DUS4L: variants seen among roughly 807,000 people sequenced by gnomAD.
The protein encoded by DUS4L is tRNA-dihydrouridine(20a/20b) synthase [NAD(P)+]-like.
In DUS4L, 31 loss-of-function variants were observed where a neutral mutation model predicts 33.8. The ratio of observed to expected loss-of-function variants is 0.92; its 90% CI spans 0.69 to 1.24. DUS4L has a LOEUF of 1.24. DUS4L is among the 50% of genes most tolerant of loss of function. DUS4L has a pLI of 0.00. For missense variants in DUS4L, 368 were observed against 388.6 expected (o/e 0.95, Z 0.45); for synonymous variants, 103 against 120.3 (o/e 0.86, Z 0.94).
Position 107,564,033 on chromosome 7 carries a change from G to A in DUS4L, c.-287G>A, listed in dbSNP as rs1442870135. 2 of 1,533,374 alleles carry A rather than the reference G, an allele frequency of 1.3e-6. No individual in the cohort carries two copies. The highest frequency in any genetic ancestry group is 1.8e-6 in the Non-Finnish European group (2 of 1,140,780). 95.0% of individuals were successfully genotyped at this position (1,533,374 alleles called of 1,614,324 possible). On this transcript the variant is annotated 5_prime_UTR_variant, in exon 1 of 8. Transcript: ENST00000265720. ...CGAACTGACTCTCAGCCCGCGCCTG[G>A]GCTAAGCCTGGCTAGGAGCCGCGCA...
At chr7:107,564,465 A>T (rs572787225) in intron 1 of DUS4L, 123 bp from the exon 2 acceptor site, 1 of 163,704 alleles carries the variant, frequency 6.1e-6, no homozygotes, top group East Asian at 1.8e-4. Flanking sequence ...CAGTGAAGAG[A>T]ATTAGGGAGA....
At chr7:107,577,165 T>C in intron 7 of DUS4L, 148 bp from the exon 8 acceptor site, 1 of 1,103,220 alleles carries the variant, frequency 9.1e-7, no homozygotes, top group Non-Finnish European at 1.3e-6. Context: ...AATTCTTTTG[T>C]AATCGGATTA....
chr7:107,567,238 T>C, intron 3 of DUS4L, 52 bp downstream of exon 3: 1 of 1,531,030 alleles, frequency 6.5e-7, no homozygotes, highest in Non-Finnish European at 9.0e-7. Flanking sequence ...CCTTTTATGC[T>C]CTGACTTTTT....
chr7:107,573,124 T>C (rs1374032579), intron 4 of DUS4L, among the ~76,000 whole-genome samples: 1 of 152,232 alleles, frequency 6.6e-6, no homozygotes, highest in Non-Finnish European at 1.5e-5. Context: ...TATATGTCTA[T>C]ATTGGTAAAC....
chr7:107,570,979 T>A, intron 3 of DUS4L, 166 bp from the exon 4 acceptor site: 1 of 867,932 alleles, frequency 1.2e-6, no homozygotes, highest in East Asian at 3.0e-5. Flanking sequence ...GTTTGTTTTA[T>A]ATATAATATC....
chr7:107,564,101 C>G lies in DUS4L; in HGVS notation c.-219C>G. On this transcript the variant is annotated 5_prime_UTR_variant, in exon 1 of 8. Transcript: ENST00000265720. Reference sequence around the variant, plus strand: ...CGCCCAGGGTCCGAGTGCTCTGCGCCCAGCGCACCGAGGGAGCCAAGGCCG... The same window carrying G: ...CGCCCAGGGTCCGAGTGCTCTGCGCGCAGCGCACCGAGGGAGCCAAGGCCG... 8.1e-7 allele frequency: 1 copy of G among 1,230,070 alleles called. No individual in the cohort carries two copies. The highest frequency in any genetic ancestry group is 1.1e-6 in the Non-Finnish European group (1 of 877,044). 76.2% of individuals were successfully genotyped at this position (1,230,070 alleles called of 1,614,324 possible).
chr7:107,574,926 C>A (rs1276735699), intron 5 of DUS4L: 2 of 424,122 alleles, frequency 4.7e-6, no homozygotes, highest in Non-Finnish European at 4.2e-6. Context: ...AATATTTAAA[C>A]CTGTTTTGGT....
intron 6 of DUS4L, 158 bp downstream of exon 6, chr7:107,575,468 T>C: frequency 1.4e-6 from 1 of 720,936 alleles, no homozygotes; most frequent in Non-Finnish European, 2.0e-6. Flanking sequence ...AAAGAATATA[T>C]ACCATAATTT....
intron 3 of DUS4L, chr7:107,567,747 C>CA (rs1471144642): frequency 6.6e-6 from 3 of 452,196 alleles, no homozygotes; most frequent in African/African-American, 2.0e-5. Context: ...AAACTCTTTT[C>CA]ATCTTAGAAG....
rs983683715 is a variant in DUS4L at position 107,578,397 on chromosome 7, GAAAT to G, written c.*841_*844del. 2.0e-5 allele frequency: 3 copies of G among 152,048 alleles called. No homozygotes were observed. The highest frequency in any genetic ancestry group is 2.9e-5 in the Non-Finnish European group (2 of 68,002). 9.4% of individuals were successfully genotyped at this position (152,048 alleles called of 1,614,324 possible). ...CTGCAAGAATTAAGTATCTCAGACT[GAAAT>G]AAAACCGTTCATAATTAAAGTATTA... On this transcript the variant is annotated 3_prime_UTR_variant, in exon 8 of 8. Coordinates refer to ENST00000265720, the MANE Select transcript of DUS4L (RefSeq NM_181581.3).
chr7:107,567,296 C>T (rs1804800694), intron 3 of DUS4L, 110 bp downstream of exon 3: 1 of 828,898 alleles, frequency 1.2e-6, no homozygotes, highest in Non-Finnish European at 1.9e-6. Context: ...AAACTCTTAG[C>T]TTTGGAATCA....
intron 4 of DUS4L, 72 bp from the exon 5 acceptor site, chr7:107,573,632 A>T: frequency 6.9e-7 from 1 of 1,453,230 alleles, no homozygotes; most frequent in Non-Finnish European, 9.2e-7. Context: ...CTGTACAAAC[A>T]TTAAAGTTTG....
chr7:107,572,603 G>A (rs1302202494), intron 4 of DUS4L, among the ~76,000 whole-genome samples: 2 of 152,010 alleles, frequency 1.3e-5, no homozygotes, highest in South Asian at 2.1e-4. Flanking sequence ...TAATCTTAGC[G>A]CTTTGGGAGG....
At position 107,564,040 on chromosome 7, in the gene DUS4L, C is replaced by G. The variant is rs916663043; in HGVS notation, c.-280C>G. Reference sequence around the variant, plus strand: ...ACTCTCAGCCCGCGCCTGGGCTAAGCCTGGCTAGGAGCCGCGCAGGTACTC... The same window carrying G: ...ACTCTCAGCCCGCGCCTGGGCTAAGGCTGGCTAGGAGCCGCGCAGGTACTC... On this transcript the variant is annotated 5_prime_UTR_variant, in exon 1 of 8. Transcript: ENST00000265720. 2 of 1,523,546 alleles carry G rather than the reference C, an allele frequency of 1.3e-6. No homozygotes were observed. Among genetic ancestry groups the G allele is most frequent in the East Asian group, 2.5e-5 (1 of 40,408 alleles). 94.4% of individuals were successfully genotyped at this position (1,523,546 alleles called of 1,614,324 possible).
rs984126874 is a variant in DUS4L, at chr7:107,578,116, C to G, written c.*556C>G. 1 of 152,052 alleles carries G rather than the reference C, an allele frequency of 6.6e-6. No individual in the cohort carries two copies. The highest frequency in any genetic ancestry group is 2.4e-5 in the African/African-American group (1 of 41,388). 9.4% of individuals were successfully genotyped at this position (152,052 alleles called of 1,614,324 possible). Reference sequence around the variant, plus strand: ...TACATTTCAAAACTTCTAGGTCCTCCAAAGATTGAAAGCTTAATAATCTCC... The same window carrying G: ...TACATTTCAAAACTTCTAGGTCCTCGAAAGATTGAAAGCTTAATAATCTCC... On this transcript the variant is annotated 3_prime_UTR_variant, in exon 8 of 8. Coordinates refer to ENST00000265720, the MANE Select transcript of DUS4L (RefSeq NM_181581.3).
At chr7:107,573,963 A>T in intron 5 of DUS4L, 142 bp downstream of exon 5, 3 of 1,133,190 alleles carry the variant, frequency 2.6e-6, no homozygotes, top group Non-Finnish European at 3.4e-6. Flanking sequence ...GAAGGAAGAA[A>T]ATATAGGGAA....
chr7:107,565,716 G>A (rs913069735), intron 2 of DUS4L, among the ~76,000 whole-genome samples: 10 of 151,986 alleles, frequency 6.6e-5, no homozygotes, highest in Non-Finnish European at 1.2e-4. Context: ...TAGAGATGGG[G>A]GTCTCACTAT....
chr7:107,574,997 T>C (rs1254816345), intron 5 of DUS4L, 191 bp from the exon 6 acceptor site: 4 of 703,284 alleles, frequency 5.7e-6, no homozygotes, highest in Non-Finnish European at 9.2e-6. Flanking sequence ...CTGAGTACTT[T>C]TTGATCTGGG....
At chr7:107,577,184 A>T in intron 7 of DUS4L, 129 bp from the exon 8 acceptor site, 2 of 1,274,026 alleles carry the variant, frequency 1.6e-6, no homozygotes, top group Non-Finnish European at 2.2e-6. Flanking sequence ...TAAACATATT[A>T]ATGCAATAAA....
Sources: allele counts gnomAD v4.1 joint callset (sites outside exome capture counted in the v4.1 genomes callset), GRCh38; gene constraint gnomAD v4.1.1; transcripts MANE v1.5; gene names NCBI Gene and HGNC (gene_info 2026-07-23, HGNC 2026-07-21).